RNF220: variants seen among roughly 807,000 people sequenced by gnomAD.
The protein encoded by RNF220 is ring finger protein 220.
RNF220 carries 7 observed loss-of-function variants against 67.1 expected under a neutral mutation model. The observed-to-expected ratio is 0.10, with a 90% CI of 0.06 to 0.20. The LOEUF (loss-of-function observed/expected upper bound fraction) is 0.20. Ranked by LOEUF, RNF220 falls within the 10% of genes least tolerant of loss-of-function variation. The probability of loss-of-function intolerance (pLI) is 1.00; values close to 1 mark genes in which losing one functional copy is unlikely to be tolerated. For missense variants in RNF220, 565 were observed against 740.3 expected, an observed-to-expected ratio of 0.76 and a Z score of 2.75; for synonymous variants, 270 against 283.2, an observed-to-expected ratio of 0.95 and a Z score of 0.47.
At chr1:44,405,738 C>T (rs1169683440) in intron 1 of RNF220, among the ~76,000 whole-genome samples, 1 of 150,278 alleles carries the variant, frequency 6.7e-6, no homozygotes, top group Non-Finnish European at 1.5e-5. Context: ...CGGCGCCCTG[C>T]GCGCTCCGTG....
At chr1:44,435,915 C>T (rs893750023) in intron 2 of RNF220, among the ~76,000 whole-genome samples, 1 of 150,864 alleles carries the variant, frequency 6.6e-6, no homozygotes, top group Non-Finnish European at 1.5e-5. Context: ...GACTGAGACT[C>T]CATATCAAAA....
intron 2 of RNF220, among the ~76,000 whole-genome samples, chr1:44,450,576 A>C (rs1652567472): frequency 6.6e-6 from 1 of 152,172 alleles, no homozygotes; most frequent in Non-Finnish European, 1.5e-5. Flanking sequence ...ATAACCATAA[A>C]CGTGCTTCTT....
intron 2 of RNF220, among the ~76,000 whole-genome samples, chr1:44,455,207 G>T (rs570968845): frequency 8.5e-5 from 13 of 152,284 alleles, no homozygotes; most frequent in African/African-American, 2.9e-4. Flanking sequence ...TTTTTGGGAT[G>T]TGAGTTTAGA....
At chr1:44,616,722 G>T (rs1022477004) in intron 3 of RNF220, among the ~76,000 whole-genome samples, 1 of 152,102 alleles carries the variant, frequency 6.6e-6, no homozygotes, top group African/African-American at 2.4e-5. Flanking sequence ...TCCCAGAGGA[G>T]GACTTCTCCT....
intron 8 of RNF220, among the ~76,000 whole-genome samples, chr1:44,640,130 C>T (rs1644445374): frequency 6.6e-6 from 1 of 152,252 alleles, no homozygotes; most frequent in South Asian, 2.1e-4. Flanking sequence ...GATAAAACTT[C>T]AGCGCCAGAA....
Position 44,650,098 on chromosome 1 carries a change from C to A in RNF220, c.1629+141C>A. 1.1e-6 allele frequency: 1 copy of A among 879,286 alleles called. No individual in the cohort carries two copies. Among genetic ancestry groups the A allele is most frequent in the Non-Finnish European group, 1.7e-6 (1 of 579,814 alleles). The allele number at this position is 879,286 out of a possible 1,614,324, so 54.5% of individuals were successfully genotyped here. On this transcript the variant is annotated intron_variant, in intron 14 of 14. Transcript: ENST00000361799. This position sits in a 1 kb window ranked among gnomAD's most constrained non-coding sequence, Gnocchi z 4.3. Reference sequence around the variant, plus strand: ...AGCCAGGAGCCAGGATATTTACCCGCAGGATATTTACCCCCAGGCTCGCTG... The same window carrying A: ...AGCCAGGAGCCAGGATATTTACCCGAAGGATATTTACCCCCAGGCTCGCTG...
At chr1:44,422,789 G>C (rs898075791) in intron 2 of RNF220, among the ~76,000 whole-genome samples, 16 of 152,132 alleles carry the variant, frequency 1.1e-4, no homozygotes, top group African/African-American at 3.9e-4. Context: ...GCTGCTGTGA[G>C]CCCCAGTTTT....
chr1:44,606,278 G>A lies in RNF220; in HGVS notation c.626-7887G>A, dbSNP rs1433563485. ...TCCAGATGTTTGGAATCATAGTCTT[G>A]GGGCCTCGTTCATATTGACTGAAGG... is the stretch of plus-strand genomic sequence containing the variant. On this transcript the variant is annotated intron_variant, in intron 2 of 14. Transcript: ENST00000361799. The surrounding 1 kb of genome is among the most constrained non-coding windows in gnomAD (Gnocchi z 4.2). Among the ~76,000 whole-genome samples, 1 of 152,188 alleles carries A rather than the reference G, an allele frequency of 6.6e-6. No homozygotes were observed. The highest frequency in any genetic ancestry group is 1.9e-4 in the East Asian group (1 of 5,198).
intron 2 of RNF220, among the ~76,000 whole-genome samples, chr1:44,579,787 G>A (rs1359525921): frequency 6.6e-6 from 1 of 152,044 alleles, no homozygotes; most frequent in African/African-American, 2.4e-5. Flanking sequence ...TCAAGCCTTC[G>A]GGAGGCTGAG....
At chr1:44,441,058 C>T (rs1007759508) in intron 2 of RNF220, among the ~76,000 whole-genome samples, 2 of 152,192 alleles carry the variant, frequency 1.3e-5, no homozygotes, top group Non-Finnish European at 2.9e-5. Flanking sequence ...TGACTTGGCT[C>T]ATCCCCTCAC....
At chr1:44,612,779 A>T (rs1165172343) in intron 2 of RNF220, among the ~76,000 whole-genome samples, 3 of 151,458 alleles carry the variant, frequency 2.0e-5, no homozygotes, top group African/African-American at 7.3e-5. Flanking sequence ...AAAATTTATT[A>T]TCTGAAATTC....
At chr1:44,508,953 G>A (rs1658695002) in intron 2 of RNF220, among the ~76,000 whole-genome samples, 1 of 152,088 alleles carries the variant, frequency 6.6e-6, no homozygotes, top group African/African-American at 2.4e-5. Flanking sequence ...TGAAAAATGG[G>A]GCATCCCCTG....
chr1:44,431,397 A>G (rs763253286), intron 2 of RNF220, among the ~76,000 whole-genome samples: 42 of 151,860 alleles, frequency 2.8e-4, no homozygotes, highest in Non-Finnish European at 4.3e-4. Flanking sequence ...AGGCTGAGGC[A>G]GAGAATTGCT....
chr1:44,587,265 A>G (rs943549711), intron 2 of RNF220, among the ~76,000 whole-genome samples: 5 of 148,798 alleles, frequency 3.4e-5, no homozygotes, highest in Non-Finnish European at 7.4e-5. Flanking sequence ...CTCCTGCCTC[A>G]GCCTCCCTAC....
intron 2 of RNF220, among the ~76,000 whole-genome samples, chr1:44,426,862 T>C (rs762571484): frequency 1.3e-5 from 2 of 152,202 alleles, no homozygotes; most frequent in Non-Finnish European, 2.9e-5. Flanking sequence ...GGGTTATTCC[T>C]CCAAGTTCCC....
chr1:44,568,960 T>G (rs1221333722), intron 2 of RNF220, among the ~76,000 whole-genome samples: 1 of 152,208 alleles, frequency 6.6e-6, no homozygotes, highest in Admixed American at 6.5e-5. Context: ...TTTGGTCTTT[T>G]TGGCAGTGCA....
chr1:44,451,970 C>G (rs529940246), intron 2 of RNF220, among the ~76,000 whole-genome samples: 4 of 152,292 alleles, frequency 2.6e-5, no homozygotes, highest in African/African-American at 7.2e-5. Context: ...TTGTGTTTTG[C>G]TTAGGAAGGG....
intron 2 of RNF220, among the ~76,000 whole-genome samples, chr1:44,589,475 G>A (rs562975420): frequency 2.0e-5 from 3 of 152,196 alleles, no homozygotes; most frequent in African/African-American, 4.8e-5. Flanking sequence ...TTAGCCAAGC[G>A]TGGTGACGGG....
intron 2 of RNF220, among the ~76,000 whole-genome samples, chr1:44,462,451 C>G (rs1653872460): frequency 6.6e-6 from 1 of 152,070 alleles, no homozygotes; most frequent in Admixed American, 6.6e-5. Flanking sequence ...TCAATAAAGT[C>G]TGAGAATATT....
Sources: gnomAD v4.1 joint callset for allele counts (sites outside exome capture counted in the v4.1 genomes callset) on GRCh38, gnomAD v4.1.1 for gene constraint, Gnocchi (gnomAD v3.1) non-coding constraint, MANE v1.5 for transcripts, NCBI Gene and HGNC (gene_info 2026-07-23, HGNC 2026-07-21) for gene names.